The following DCC variants were observed in gnomAD, a reference collection of about 807,000 sequenced individuals.
DCC encodes the protein netrin receptor DCC.
A neutral mutation model predicts 172.5 loss-of-function variants in DCC; 58 were observed. The ratio of observed to expected loss-of-function variants is 0.34; its 90% CI spans 0.27 to 0.42. The LOEUF is 0.42. Ranked by LOEUF, DCC falls within the 10% of genes least tolerant of loss-of-function variation. DCC has a pLI of 1.00. For synonymous variants in DCC, 709 were observed against 644.5 expected (o/e 1.10, Z -1.52); for missense variants, 1,740 against 1,791.0 (o/e 0.97, Z 0.51).
chr18:53,112,446 C>G (rs1011154064), intron 7 of DCC, among the ~76,000 whole-genome samples: 35 of 151,566 alleles, frequency 2.3e-4, no homozygotes, highest in Non-Finnish European at 3.7e-4. Flanking sequence ...AAACTCGCCA[C>G]TCACTCATAT....
chr18:53,261,998 G>A (rs965423861), intron 12 of DCC, among the ~76,000 whole-genome samples: 2 of 152,190 alleles, frequency 1.3e-5, no homozygotes, highest in African/African-American at 4.8e-5. Flanking sequence ...GAAGATGGTG[G>A]ATTTCCATCA....
chr18:52,468,643 C>T (rs996832183), intron 1 of DCC, among the ~76,000 whole-genome samples: 2 of 152,028 alleles, frequency 1.3e-5, no homozygotes, highest in Admixed American at 6.6e-5. Context: ...AATTACTGCC[C>T]CAGCCAACCA....
chr18:52,792,834 T>TATTCCATTCC (rs58127650), intron 2 of DCC, among the ~76,000 whole-genome samples: 18 of 117,006 alleles, frequency 1.5e-4, no homozygotes, highest in South Asian at 7.4e-4. Flanking sequence ...TATTCCATTC[T>TATTCCATTCC]ATTCCATTCC....
intron 2 of DCC, among the ~76,000 whole-genome samples, chr18:52,768,222 A>T (rs967093126): frequency 6.6e-6 from 1 of 152,332 alleles, no homozygotes; most frequent in African/African-American, 2.4e-5. Context: ...CTTGACATTT[A>T]GAGTGTAAGG....
At chr18:52,874,155 A>G (rs974586717) in intron 2 of DCC, among the ~76,000 whole-genome samples, 1 of 152,220 alleles carries the variant, frequency 6.6e-6, no homozygotes, top group African/African-American at 2.4e-5. Flanking sequence ...TAAACTGGCT[A>G]AAATGTTTTC....
chr18:52,563,468 C>A (rs895175555), intron 1 of DCC, among the ~76,000 whole-genome samples: 5 of 152,058 alleles, frequency 3.3e-5, no homozygotes, highest in African/African-American at 1.2e-4. Flanking sequence ...ATGAACTCTG[C>A]GGTGTCTTAC....
chr18:52,510,411 G>T (rs997067956), intron 1 of DCC, among the ~76,000 whole-genome samples: 1 of 152,186 alleles, frequency 6.6e-6, no homozygotes, highest in Non-Finnish European at 1.5e-5. Flanking sequence ...GTAGATTTGC[G>T]ATCTTGGATT....
chr18:52,942,136 T>G (rs184530547), intron 5 of DCC, among the ~76,000 whole-genome samples: 4 of 152,190 alleles, frequency 2.6e-5, no homozygotes, highest in African/African-American at 9.7e-5. Flanking sequence ...CCACTAATTA[T>G]GTAGACTGTT....
intron 5 of DCC, among the ~76,000 whole-genome samples, chr18:52,930,012 G>A (rs1283057731): frequency 6.6e-6 from 1 of 152,002 alleles, no homozygotes; most frequent in East Asian, 1.9e-4. Context: ...TTGAGACAGG[G>A]TCTTGCTCTG....
chr18:53,335,791 A>G (rs998545206), intron 14 of DCC, among the ~76,000 whole-genome samples: 1 of 152,112 alleles, frequency 6.6e-6, no homozygotes, highest in Non-Finnish European at 1.5e-5. Flanking sequence ...GGTTTAATGG[A>G]CTCACAGCTC....
intron 15 of DCC, among the ~76,000 whole-genome samples, chr18:53,353,937 G>A (rs568110712): frequency 2.6e-5 from 4 of 152,082 alleles, no homozygotes; most frequent in South Asian, 2.1e-4. Context: ...GACAGGCCCC[G>A]GTGTGTGATG....
At chr18:52,901,978 G>A (rs1410309353) in intron 2 of DCC, among the ~76,000 whole-genome samples, 1 of 152,166 alleles carries the variant, frequency 6.6e-6, no homozygotes, top group African/African-American at 2.4e-5. Context: ...TTTCCAGTAA[G>A]TACGACTAGG....
intron 1 of DCC, among the ~76,000 whole-genome samples, chr18:52,671,844 T>C (rs144342449): frequency 2.7e-3 from 413 of 152,224 alleles, no homozygotes; most frequent in African/African-American, 9.3e-3. Context: ...CCTCATATGC[T>C]GAACTTTTTC....
intron 5 of DCC, among the ~76,000 whole-genome samples, chr18:52,970,764 A>C (rs1444747044): frequency 6.6e-6 from 1 of 152,204 alleles, no homozygotes; most frequent in African/African-American, 2.4e-5. Flanking sequence ...AGAATTCATG[A>C]TGAATAACAC....
At chr18:52,581,187 T>TTTATCTATCTATCTATCTATC (rs1555699057) in intron 1 of DCC, among the ~76,000 whole-genome samples, 1 of 146,452 alleles carries the variant, frequency 6.8e-6, no homozygotes, top group East Asian at 2.0e-4. Context: ...TCTATATATC[T>TTTATCTATCTATCTATCTATC]TATCTATCTA....
At chr18:52,730,895 T>A (rs1370784430) in intron 1 of DCC, among the ~76,000 whole-genome samples, 1 of 152,190 alleles carries the variant, frequency 6.6e-6, no homozygotes, top group Non-Finnish European at 1.5e-5. Flanking sequence ...TCAGACTTCA[T>A]TGGTTTTCTA....
At chr18:53,302,261 A>G (rs1293383760) in intron 12 of DCC, among the ~76,000 whole-genome samples, 1 of 152,194 alleles carries the variant, frequency 6.6e-6, no homozygotes, top group Non-Finnish European at 1.5e-5. Flanking sequence ...AATTCAGCCC[A>G]TAAATATGTA....
At chr18:53,477,246 T>C (rs2045776260) in intron 25 of DCC, among the ~76,000 whole-genome samples, 1 of 152,138 alleles carries the variant, frequency 6.6e-6, no homozygotes, top group South Asian at 2.1e-4. Context: ...TGGGCTCAAG[T>C]GATCCTCCTG....
chr18:52,605,235 A>AAGC (rs1343846820), intron 1 of DCC, among the ~76,000 whole-genome samples: 24 of 152,128 alleles, frequency 1.6e-4, no homozygotes, highest in Non-Finnish European at 1.9e-4. Flanking sequence ...TGGAAAAGTT[A>AAGC]AGCACTGTTC....
Sources: gnomAD v4.1 joint callset for allele counts (sites outside exome capture counted in the v4.1 genomes callset) on GRCh38, gnomAD v4.1.1 for gene constraint, MANE v1.5 for transcripts, NCBI Gene and HGNC (gene_info 2026-07-23, HGNC 2026-07-21) for gene names.